ZNF438: variants seen among roughly 807,000 people sequenced by gnomAD.
ZNF438 encodes the protein zinc finger protein 438.
In ZNF438, 25 loss-of-function variants were observed where a neutral mutation model predicts 38.0. The ratio of observed to expected loss-of-function variants is 0.66; its 90% CI spans 0.48 to 0.92. ZNF438 has a LOEUF of 0.92. Ranked by LOEUF, ZNF438 falls within the 40% of genes least tolerant of loss-of-function variation. ZNF438 has a pLI of 0.00. For synonymous variants in ZNF438, 372 were observed against 364.1 expected, an observed-to-expected ratio of 1.02 and a Z score of -0.25; for missense variants, 1,007 against 999.6, an observed-to-expected ratio of 1.01 and a Z score of -0.10.
Position 30,846,733 on chromosome 10 carries a change from A to G in ZNF438, c.1875-1160T>C, listed in dbSNP as rs543667914. On this transcript the variant is annotated intron_variant, in intron 5 of 5. Transcript: ENST00000413025. ...CAGGAGCGCTCCTGCCCTCCCAGGC[A>G]TCACTGTAGCTACCCTGCTGTGGCT... 2.2e-4 allele frequency among the ~76,000 whole-genome samples: 34 copies of G among 152,246 alleles called. No homozygotes were observed. The South Asian group carries it at 4.8e-3, about 21-fold the overall frequency.
At chr10:30,951,781 T>C (rs925150509) in intron 1 of ZNF438, among the ~76,000 whole-genome samples, 2 of 149,342 alleles carry the variant, frequency 1.3e-5, no homozygotes, top group Admixed American at 6.7e-5. Context: ...CATTCCATGC[T>C]CATGTGTAGG....
At chr10:30,899,548 T>A (rs985513592) in intron 3 of ZNF438, among the ~76,000 whole-genome samples, 1 of 152,198 alleles carries the variant, frequency 6.6e-6, no homozygotes, top group Admixed American at 6.5e-5. Context: ...AGGTACATTA[T>A]CATTGAAAAA....
At chr10:30,851,654 C>A (rs1256947014) in intron 4 of ZNF438, among the ~76,000 whole-genome samples, 1 of 152,234 alleles carries the variant, frequency 6.6e-6, no homozygotes, top group African/African-American at 2.4e-5. Flanking sequence ...TGTAGCAAAA[C>A]ATGCAAATAT....
chr10:30,996,011 TG>T (rs138526573), intron 1 of ZNF438, among the ~76,000 whole-genome samples: 1,761 of 152,282 alleles, frequency 0.012, 29 homozygotes, highest in African/African-American at 0.039. Flanking sequence ...TCTATTTTGC[TG>T]AAAGTAAGTA....
At chr10:30,852,380 G>C (rs2033820780) in intron 4 of ZNF438, among the ~76,000 whole-genome samples, 1 of 151,784 alleles carries the variant, frequency 6.6e-6, no homozygotes, top group Non-Finnish European at 1.5e-5. Flanking sequence ...AGCTAATTTT[G>C]TATTTTTAGT....
At chr10:30,957,099 T>C (rs1247621059) in intron 1 of ZNF438, among the ~76,000 whole-genome samples, 1 of 152,208 alleles carries the variant, frequency 6.6e-6, no homozygotes, top group African/African-American at 2.4e-5. Context: ...TGGGGTAAGA[T>C]GATAATCTCA....
At chr10:30,926,599 G>A (rs2044959394) in intron 2 of ZNF438, among the ~76,000 whole-genome samples, 1 of 151,770 alleles carries the variant, frequency 6.6e-6, no homozygotes, top group South Asian at 2.1e-4. Flanking sequence ...CCGGAAGGCA[G>A]AGGTTGCAGT....
At chr10:30,961,160 AAAGT>A (rs2049420014) in intron 1 of ZNF438, among the ~76,000 whole-genome samples, 2 of 145,696 alleles carry the variant, frequency 1.4e-5, no homozygotes, top group Admixed American at 6.9e-5. Flanking sequence ...AAAAAAAAAA[AAAGT>A]TTTTTTTACA....
intron 1 of ZNF438, among the ~76,000 whole-genome samples, chr10:30,968,738 A>G (rs3006578): frequency 0.75 from 113,393 of 151,914 alleles, 43,219 homozygotes; most frequent in African/African-American, 0.88. Context: ...CACCGTGCCC[A>G]GCCTCTGATT....
chr10:30,849,888 G>A (rs10160116), exon 5 of ZNF438: 639,399 of 1,613,780 alleles, frequency 0.4, 128,643 homozygotes, highest in Admixed American at 0.48. Flanking sequence ...AATGGACTGG[G>A]TTTGTACAGG....
intron 1 of ZNF438, among the ~76,000 whole-genome samples, chr10:30,965,650 T>A (rs188622146): frequency 0.079 from 12,051 of 152,148 alleles, 566 homozygotes; most frequent in Non-Finnish European, 0.11. Context: ...GTGAATTAAC[T>A]TAGGAACAGA....
intron 1 of ZNF438, among the ~76,000 whole-genome samples, chr10:31,006,558 T>C (rs978459856): frequency 6.6e-6 from 1 of 152,110 alleles, no homozygotes; most frequent in Non-Finnish European, 1.5e-5. Flanking sequence ...CTAAGTTCTG[T>C]GAGCCCTCTA....
chr10:30,948,243 C>T (rs2047690994), intron 1 of ZNF438, among the ~76,000 whole-genome samples: 1 of 152,184 alleles, frequency 6.6e-6, no homozygotes, highest in South Asian at 2.1e-4. Flanking sequence ...ACCAAAAACC[C>T]ATCTGTACAT....
chr10:30,933,899 C>CCG (rs2045952317), intron 2 of ZNF438, among the ~76,000 whole-genome samples: 1 of 152,126 alleles, frequency 6.6e-6, no homozygotes, highest in Non-Finnish European at 1.5e-5. Context: ...GTAATCCCAA[C>CCG]ACTTTGGGAG....
exon 5 of ZNF438, chr10:30,848,785 A>G: frequency 6.2e-7 from 1 of 1,614,214 alleles, no homozygotes; most frequent in Non-Finnish European, 8.5e-7. Context: ...AGGACTTGCG[A>G]CAAATCCGAC....
At chr10:30,931,545 G>A (rs577659492) in intron 2 of ZNF438, among the ~76,000 whole-genome samples, 73 of 152,156 alleles carry the variant, frequency 4.8e-4, no homozygotes, top group African/African-American at 1.4e-3. Context: ...CAATAAAATC[G>A]CAAATCAGAA....
intron 2 of ZNF438, among the ~76,000 whole-genome samples, chr10:30,914,866 T>C (rs1332517031): frequency 6.6e-6 from 1 of 152,030 alleles, no homozygotes; most frequent in African/African-American, 2.4e-5. Flanking sequence ...TAAAATGTAC[T>C]TGAAAGTTTG....
At chr10:31,004,140 T>C (rs1459353701) in intron 1 of ZNF438, among the ~76,000 whole-genome samples, 3 of 152,136 alleles carry the variant, frequency 2.0e-5, no homozygotes, top group Non-Finnish European at 4.4e-5. Flanking sequence ...TAGAGGGAAC[T>C]CTATTGGCAG....
At chr10:30,845,556 A>T (rs1564463384) in exon 6 of ZNF438, 1 of 1,610,670 alleles carries the variant, frequency 6.2e-7, no homozygotes. Flanking sequence ...GTCTTCTTCC[A>T]GGTTGGACTT....
Sources: allele counts gnomAD v4.1 joint callset (sites outside exome capture counted in the v4.1 genomes callset), GRCh38; gene constraint gnomAD v4.1.1; transcripts MANE v1.5; gene names NCBI Gene and HGNC (gene_info 2026-07-23, HGNC 2026-07-21).